The following DPYD variants were observed in gnomAD, a reference collection of about 807,000 sequenced individuals.
The protein encoded by DPYD is dihydropyrimidine dehydrogenase, also known as dihydropyrimidine dehydrogenase [NADP(+)].
DPYD carries 109 observed loss-of-function variants against 116.2 expected under a neutral mutation model. The ratio of observed to expected loss-of-function variants is 0.94; its 90% CI spans 0.80 to 1.10. DPYD has a LOEUF of 1.10. Among genes scored for constraint, DPYD ranks in the 50% least tolerant of loss-of-function variants. DPYD has a pLI of 0.00. For missense variants in DPYD, 1,302 were observed against 1,254.5 expected (o/e 1.04, Z -0.57); for synonymous variants, 440 against 432.0 (o/e 1.02, Z -0.23).
At chr1:97,169,102 C>T (rs1656533936) in intron 20 of DPYD, among the ~76,000 whole-genome samples, 1 of 152,094 alleles carries the variant, frequency 6.6e-6, no homozygotes, top group African/African-American at 2.4e-5. Context: ...CCCACCTCAG[C>T]CTCTCAAAGT....
At chr1:97,603,692 T>G (rs538611597) in intron 8 of DPYD, among the ~76,000 whole-genome samples, 5 of 152,278 alleles carry the variant, frequency 3.3e-5, no homozygotes, top group African/African-American at 1.2e-4. Context: ...TTTTAAAAAT[T>G]GTACTTTTAC....
chr1:97,206,005 G>T (rs1410803967), intron 19 of DPYD, among the ~76,000 whole-genome samples: 1 of 151,960 alleles, frequency 6.6e-6, no homozygotes, highest in African/African-American at 2.4e-5. Context: ...GTAATCATGG[G>T]CTTGCTCTGC....
chr1:97,352,396 C>T (rs557940598), intron 16 of DPYD, among the ~76,000 whole-genome samples: 2 of 152,284 alleles, frequency 1.3e-5, no homozygotes, highest in Non-Finnish European at 2.9e-5. Flanking sequence ...AGTGAATTAA[C>T]TGAATTCCAC....
intron 1 of DPYD, among the ~76,000 whole-genome samples, chr1:97,885,145 A>G (rs1203865017): frequency 6.6e-6 from 1 of 152,052 alleles, no homozygotes; most frequent in East Asian, 1.9e-4. Flanking sequence ...CTGAGAATGC[A>G]ATTCCTACTA....
At chr1:97,688,572 C>A (rs1660858399) in intron 7 of DPYD, among the ~76,000 whole-genome samples, 1 of 151,944 alleles carries the variant, frequency 6.6e-6, no homozygotes, top group South Asian at 2.1e-4. Flanking sequence ...AGATAATATT[C>A]TTACCAATGA....
At chr1:97,491,293 C>T (rs1678962434) in intron 13 of DPYD, among the ~76,000 whole-genome samples, 1 of 150,228 alleles carries the variant, frequency 6.7e-6, no homozygotes, top group African/African-American at 2.4e-5. Context: ...AGATTTGTTG[C>T]AGAGGTTCAG....
At chr1:97,141,476 T>C (rs932502965) in intron 20 of DPYD, among the ~76,000 whole-genome samples, 6 of 152,068 alleles carry the variant, frequency 3.9e-5, no homozygotes, top group Admixed American at 2.0e-4. Context: ...GAGGCTTATT[T>C]CTCATTTCCT....
At chr1:97,419,576 G>A (rs1674468794) in intron 14 of DPYD, among the ~76,000 whole-genome samples, 1 of 150,372 alleles carries the variant, frequency 6.7e-6, no homozygotes, top group African/African-American at 2.4e-5. Context: ...AATACGATGA[G>A]ACAAAATCTA....
intron 20 of DPYD, among the ~76,000 whole-genome samples, chr1:97,115,082 T>C (rs562105035): frequency 2.0e-5 from 3 of 152,280 alleles, no homozygotes; most frequent in Admixed American, 2.0e-4. Flanking sequence ...ATAGTGTAAA[T>C]AGGATGTCTT....
chr1:97,827,332 A>C (rs573394496), intron 3 of DPYD, among the ~76,000 whole-genome samples: 2 of 152,204 alleles, frequency 1.3e-5, no homozygotes, highest in African/African-American at 4.8e-5. Flanking sequence ...TTCTTTACAA[A>C]GATATTGGAA....
chr1:97,896,637 T>C (rs1055130190), intron 1 of DPYD, among the ~76,000 whole-genome samples: 16 of 151,828 alleles, frequency 1.1e-4, no homozygotes, highest in African/African-American at 2.9e-4. Context: ...ACCATCACCA[T>C]AGTCAATTTT....
rs1213076068 is a variant in DPYD at position 97,814,943 on chromosome 1, A to AAGGAAGGAG, written c.233+13170_233+13171insCTCCTTCCT. On this transcript the variant is annotated intron_variant, in intron 3 of 22. Transcript: ENST00000370192. ...AAAAGAAAGAGAGAGGAAAGAAAGA[A>AAGGAAGGAG]AGAAAGAAAGAAAGGAGAGAAAGAA... 4.1e-4 allele frequency among the ~76,000 whole-genome samples: 61 copies of AAGGAAGGAG among 150,482 alleles called. 1 individual carries two copies. The East Asian group carries it at 4.1e-3, about 10-fold the overall frequency.
At chr1:97,344,561 T>G (rs969469904) in intron 16 of DPYD, among the ~76,000 whole-genome samples, 4 of 151,564 alleles carry the variant, frequency 2.6e-5, no homozygotes, top group African/African-American at 9.7e-5. Flanking sequence ...TTCAATTTTT[T>G]TCTCTTTACA....
intron 12 of DPYD, among the ~76,000 whole-genome samples, chr1:97,529,278 T>C (rs1007079576): frequency 6.6e-6 from 1 of 152,172 alleles, no homozygotes; most frequent in African/African-American, 2.4e-5. Context: ...ATAAAATTTA[T>C]CTATATCTAT....
At chr1:97,160,531 A>T (rs1210355150) in intron 20 of DPYD, among the ~76,000 whole-genome samples, 1 of 152,080 alleles carries the variant, frequency 6.6e-6, no homozygotes, top group South Asian at 2.1e-4. Context: ...ATGATGAGAG[A>T]TAAGCAACTC....
intron 8 of DPYD, among the ~76,000 whole-genome samples, chr1:97,621,859 G>A (rs1184601506): frequency 6.6e-6 from 1 of 151,838 alleles, no homozygotes; most frequent in East Asian, 1.9e-4. Context: ...ACGCACAGAT[G>A]TAGATATATT....
chr1:97,641,392 T>C (rs1657891921), intron 8 of DPYD, among the ~76,000 whole-genome samples: 1 of 152,088 alleles, frequency 6.6e-6, no homozygotes, highest in African/African-American at 2.4e-5. Flanking sequence ...TAAAAGACTT[T>C]CTAACCACCA....
intron 20 of DPYD, among the ~76,000 whole-genome samples, chr1:97,133,921 C>A (rs1653522968): frequency 6.7e-6 from 1 of 148,408 alleles, no homozygotes; most frequent in South Asian, 2.1e-4. Context: ...ATCGCTGAAA[C>A]CCGGGAGGTG....
At chr1:97,438,374 A>G (rs1029750351) in intron 14 of DPYD, among the ~76,000 whole-genome samples, 3 of 151,940 alleles carry the variant, frequency 2.0e-5, no homozygotes, top group African/African-American at 7.2e-5. Context: ...TCCATTTATT[A>G]GGTTGTCTTT....
Sources: allele counts gnomAD v4.1 joint callset (sites outside exome capture counted in the v4.1 genomes callset), GRCh38; gene constraint gnomAD v4.1.1; transcripts MANE v1.5; gene names NCBI Gene and HGNC (gene_info 2026-07-23, HGNC 2026-07-21).